ZFAND5: variants seen among roughly 807,000 people sequenced by gnomAD.
The protein encoded by ZFAND5 is AN1-type zinc finger protein 5.
In ZFAND5, 4 loss-of-function variants were observed where a neutral mutation model predicts 23.6. The ratio of observed to expected loss-of-function variants is 0.17; its 90% confidence interval spans 0.08 to 0.39. The LOEUF (loss-of-function observed/expected upper bound fraction) is 0.39, where lower values mean the gene tolerates loss of function less well. Ranked by LOEUF, ZFAND5 falls within the 10% of genes least tolerant of loss-of-function variation. ZFAND5 has a pLI of 1.00. For synonymous variants in ZFAND5, 68 were observed against 80.6 expected (o/e 0.84, Z 0.84); for missense variants, 161 against 253.7 (o/e 0.63, Z 2.48).
In ZFAND5 at chr9:72,360,162, T is replaced by G. The variant is rs1285328773; in HGVS notation, c.211A>C (p.Thr71Pro). The change falls in exon 4 of 7, where the codon ACT (threonine) becomes CCT (proline). Residue 71 changes from threonine (T) to proline (P), a missense_variant. Physicochemically the swap from Thr to Pro is conservative, Grantham distance 38. Transcript: ENST00000376962. ...GCACCTTCACAGTTGTTTAAGCTAG[T>G]GTCTGCTCTCTGTACAGATGCAGAA... ...SDSASVQRADTSLNNCEGAAG... is the reference protein window; with the variant it reads ...SDSASVQRADPSLNNCEGAAG... 9 of 1,612,934 alleles carry G rather than the reference T, an allele frequency of 5.6e-6. No individual in the cohort carries two copies. The highest frequency in any genetic ancestry group is 7.6e-6 in the Non-Finnish European group (9 of 1,179,422).
Position 72,354,191 on chromosome 9 carries a change from A to C in ZFAND5, c.*1762T>G, listed in dbSNP as rs1030520773. On this transcript the variant is annotated 3_prime_UTR_variant, in exon 7 of 7. Coordinates refer to ENST00000376962, the MANE Select transcript of ZFAND5 (RefSeq NM_001102420.3). ...AAACATCATCTTTTACAACATGGAG[A>C]AGCGAGGTAGGCCATAATTGTTCAA... 6 of 152,304 alleles carry C rather than the reference A, an allele frequency of 3.9e-5. No homozygotes were observed. In the East Asian group the frequency reaches 1.2e-3, roughly 29 times the overall value. 9.4% of individuals were successfully genotyped at this position (152,304 alleles called of 1,614,324 possible).
In ZFAND5 at chr9:72,354,920, A is replaced by G. The variant is rs1163916700; in HGVS notation, c.*1033T>C. 4 of 152,634 alleles carry G rather than the reference A, an allele frequency of 2.6e-5. No individual in the cohort carries two copies. The highest frequency in any genetic ancestry group is 1.9e-4 in the East Asian group (1 of 5,200). The allele number at this position is 152,634 out of a possible 1,614,324, so 9.5% of individuals were successfully genotyped here. On this transcript the variant is annotated 3_prime_UTR_variant, in exon 7 of 7. Coordinates refer to ENST00000376962, the MANE Select transcript of ZFAND5 (RefSeq NM_001102420.3). ...CACTAGAGTCCTACACCCAAGTACA[A>G]TATGATAAAGCAGCCCTCTGCAAGT...
At chr9:72,357,496 T>A (rs760290105) in intron 5 of ZFAND5, among the ~76,000 whole-genome samples, 2 of 152,078 alleles carry the variant, frequency 1.3e-5, no homozygotes. Flanking sequence ...TTTATGCTTA[T>A]AGGAAAAAAA....
At position 72,355,077 on chromosome 9, in the gene ZFAND5, G is replaced by A. The variant is rs376184364; in HGVS notation, c.*876C>T. The A allele has an allele frequency of 6.6e-6, 1 of 152,592 alleles. No homozygotes were observed. Among genetic ancestry groups the A allele is most frequent in the East Asian group, 1.9e-4 (1 of 5,198 alleles). 9.5% of individuals were successfully genotyped at this position (152,592 alleles called of 1,614,324 possible). A position where few individuals can be genotyped will look rare whatever the true frequency, so the allele number is the denominator to read the frequency against. Reference sequence around the variant, plus strand: ...CATTCTTTCTTGAACCAAAACATTCGACAAAAGATGCACATGAAAAATTAT... The same window carrying A: ...CATTCTTTCTTGAACCAAAACATTCAACAAAAGATGCACATGAAAAATTAT... On this transcript the variant is annotated 3_prime_UTR_variant, in exon 7 of 7. Coordinates refer to ENST00000376962, the MANE Select transcript of ZFAND5 (RefSeq NM_001102420.3).
chr9:72,351,685 A>C lies in ZFAND5; in HGVS notation c.*4268T>G, dbSNP rs1208216509. ...CCACTGCTAAGCTCTCTTCATGTCT[A>C]TCTGTACCAGTTTCCCATCTTAGAC... On this transcript the variant is annotated 3_prime_UTR_variant, in exon 7 of 7. Coordinates refer to ENST00000376962, the MANE Select transcript of ZFAND5 (RefSeq NM_001102420.3). 1 of 150,594 alleles carries C rather than the reference A, an allele frequency of 6.6e-6. No individual in the cohort carries two copies. Among genetic ancestry groups the C allele is most frequent in the South Asian group, 2.1e-4 (1 of 4,792 alleles). The allele number at this position is 150,594 out of a possible 1,614,324, so 9.3% of individuals were successfully genotyped here.
At position 72,353,368 on chromosome 9, in the gene ZFAND5, C is replaced by CA. The variant is rs111831441; in HGVS notation, c.*2584dup. 0.037 allele frequency: 5,322 copies of CA among 143,712 alleles called. 138 individuals are homozygous for CA. The highest frequency in any genetic ancestry group is 0.065 in the South Asian group (296 of 4,552). 8.9% of individuals were successfully genotyped at this position (143,712 alleles called of 1,614,324 possible). ...TAATGTTTCTTGTAAAACAAACAAA[C>CA]AAAAAAAAAACAAAAAAAACTGATT... On this transcript the variant is annotated 3_prime_UTR_variant, in exon 7 of 7. Coordinates refer to ENST00000376962, the MANE Select transcript of ZFAND5 (RefSeq NM_001102420.3).
In ZFAND5 at chr9:72,355,974, A is replaced by G; in HGVS notation, c.621T>C (p.Ala207=). Reference sequence around the variant, plus strand: ...TAATTTATATTCTCTGAATTTTTTCAGCCACAACAACTGGATTCTCTTTTC... The same window carrying G: ...TAATTTATATTCTCTGAATTTTTTCGGCCACAACAACTGGATTCTCTTTTC... The part of the protein sequence containing the change: ...KIRKENPVVV[A]EKIQRI Residue 207 remains alanine (A), a synonymous_variant, in exon 7 of 7, where the codon GCT becomes GCC. Coordinates refer to ENST00000376962, the MANE Select transcript of ZFAND5 (RefSeq NM_001102420.3). The G allele has an allele frequency of 6.2e-7, 1 of 1,606,648 alleles. No individual in the cohort carries two copies. The highest frequency in any genetic ancestry group is 1.3e-5 in the African/African-American group (1 of 74,348).
At chr9:72,360,911 A>T (rs1164109096) in intron 2 of ZFAND5, 124 bp from the exon 3 acceptor site, 2 of 838,974 alleles carry the variant, frequency 2.4e-6, no homozygotes, top group African/African-American at 3.5e-5. Context: ...GTTAATCATT[A>T]AAAAGGGTGG....
rs1458918016 is a variant in ZFAND5 at position 72,352,201 on chromosome 9, T to C, written c.*3752A>G. The C allele has an allele frequency of 6.6e-6, 1 of 152,106 alleles. No homozygotes were observed. Among genetic ancestry groups the C allele is most frequent in the African/African-American group, 2.4e-5 (1 of 41,408 alleles). 9.4% of individuals were successfully genotyped at this position (152,106 alleles called of 1,614,324 possible). On this transcript the variant is annotated 3_prime_UTR_variant, in exon 7 of 7. Coordinates refer to ENST00000376962, the MANE Select transcript of ZFAND5 (RefSeq NM_001102420.3). ...GGTGACGGGTGCCTGTAGTCCCAAC[T>C]ACTCCGGAGGCTGAGCCAGGAGAAT...
Position 72,352,823 on chromosome 9 carries a change from T to C in ZFAND5, c.*3130A>G, listed in dbSNP as rs1841812578. ...AGGCACAGTTTTAAGTGTTGTCACCTTCACACTCCTGAAGGTGGTTGCTGT... is the reference window on the plus strand; with the variant it reads ...AGGCACAGTTTTAAGTGTTGTCACCCTCACACTCCTGAAGGTGGTTGCTGT... On this transcript the variant is annotated 3_prime_UTR_variant, in exon 7 of 7. Transcript: ENST00000376962. 1 of 152,244 alleles carries C rather than the reference T, an allele frequency of 6.6e-6. No homozygotes were observed. The allele number at this position is 152,244 out of a possible 1,614,324, so 9.4% of individuals were successfully genotyped here.
At chr9:72,364,623 C>T in intron 1 of ZFAND5, 73 bp downstream of exon 1, 1 of 1,192,450 alleles carries the variant, frequency 8.4e-7, no homozygotes, top group Non-Finnish European at 1.1e-6. Flanking sequence ...CCGCGGCGCC[C>T]CGGTCCCTTC....
chr9:72,356,460 T>G (rs1004893224), intron 6 of ZFAND5, among the ~76,000 whole-genome samples: 2 of 152,168 alleles, frequency 1.3e-5, no homozygotes, highest in Non-Finnish European at 2.9e-5. Context: ...TCGACTCCTG[T>G]AGATGCAACG....
Position 72,354,512 on chromosome 9 carries a change from T to A in ZFAND5, c.*1441A>T, listed in dbSNP as rs543342690. The A allele has an allele frequency of 3.3e-5, 5 of 152,680 alleles. No individual in the cohort carries two copies. Among genetic ancestry groups the A allele is most frequent in the Non-Finnish European group, 7.3e-5 (5 of 68,048 alleles). The allele number at this position is 152,680 out of a possible 1,614,324, so 9.5% of individuals were successfully genotyped here. On this transcript the variant is annotated 3_prime_UTR_variant, in exon 7 of 7. Coordinates refer to ENST00000376962, the MANE Select transcript of ZFAND5 (RefSeq NM_001102420.3). ...ACATAATACAATATAGCATCAATGCTGAATAGCATGATTATGTGCAATACA... is the reference window on the plus strand; with the variant it reads ...ACATAATACAATATAGCATCAATGCAGAATAGCATGATTATGTGCAATACA...
intron 5 of ZFAND5, among the ~76,000 whole-genome samples, chr9:72,358,161 A>AT (rs1283344263): frequency 6.6e-6 from 1 of 152,132 alleles, no homozygotes; most frequent in East Asian, 1.9e-4. Context: ...CAAATTTATA[A>AT]TTCAATTGCA....
Position 72,359,537 on chromosome 9 carries a change from C to G in ZFAND5, c.264-16G>C. The G allele has an allele frequency of 6.2e-7, 1 of 1,611,316 alleles. No individual in the cohort carries two copies. The highest frequency in any genetic ancestry group is 8.5e-7 in the Non-Finnish European group (1 of 1,178,524). ...AGGCACATTTCTATTTGAGTTCAAG[C>G]AAACAATTTTTAAAGGTGTTAAGGG... On this transcript the variant is annotated splice_polypyrimidine_tract_variant and intron_variant, in intron 4 of 6. Transcript: ENST00000376962.
At position 72,355,913 on chromosome 9, in the gene ZFAND5, A is replaced by C; in HGVS notation, c.*40T>G. ...CTTTAATGTTTTCCTACGATATATT[A>C]AAATAAAAACAAAGTTTCAGTCTCT... On this transcript the variant is annotated 3_prime_UTR_variant, in exon 7 of 7. Transcript: ENST00000376962. 1.3e-6 allele frequency: 2 copies of C among 1,566,252 alleles called. No individual in the cohort carries two copies. The highest frequency in any genetic ancestry group is 1.7e-6 in the Non-Finnish European group (2 of 1,157,468).
rs920574243 is a variant in ZFAND5 at position 72,355,453 on chromosome 9, C to A, written c.*500G>T. The A allele has an allele frequency of 2.6e-5, 4 of 152,786 alleles. No homozygotes were observed. The highest frequency in any genetic ancestry group is 7.2e-5 in the African/African-American group (3 of 41,452). 9.5% of individuals were successfully genotyped at this position (152,786 alleles called of 1,614,324 possible). On this transcript the variant is annotated 3_prime_UTR_variant, in exon 7 of 7. Coordinates refer to ENST00000376962, the MANE Select transcript of ZFAND5 (RefSeq NM_001102420.3). ...TTCACGGGAAAGAAGGTCTGATCCT[C>A]TTTATGAGCATTTCTTCCTGCTTCC...
At chr9:72,358,034 T>C (rs185265026) in intron 5 of ZFAND5, among the ~76,000 whole-genome samples, 78 of 152,244 alleles carry the variant, frequency 5.1e-4, no homozygotes, top group African/African-American at 1.8e-3. Context: ...ATAGCAAATT[T>C]ATGTATGCAA....
Position 72,355,753 on chromosome 9 carries a change from A to C in ZFAND5, c.*200T>G, listed in dbSNP as rs1841924700. On this transcript the variant is annotated 3_prime_UTR_variant, in exon 7 of 7. Transcript: ENST00000376962. ...TCCAATTTTTTTCAGGGGAGGGCAT[A>C]TACATTTGTAGGGCTGTATCTATCC... 2.3e-6 allele frequency: 1 copy of C among 428,284 alleles called. No homozygotes were observed. Among genetic ancestry groups the C allele is most frequent in the African/African-American group, 2.0e-5 (1 of 49,102 alleles). The allele number at this position is 428,284 out of a possible 1,614,324, so 26.5% of individuals were successfully genotyped here. A position where few individuals can be genotyped will look rare whatever the true frequency, so the allele number is the denominator to read the frequency against.
Sources: allele counts gnomAD v4.1 joint callset (sites outside exome capture counted in the v4.1 genomes callset), GRCh38; gene constraint gnomAD v4.1.1; transcripts MANE v1.5; gene names NCBI Gene and HGNC (gene_info 2026-07-23, HGNC 2026-07-21).